Variants in A4GALT observed in about 807,000 individuals in gnomAD.
The protein encoded by A4GALT is alpha 1,4-galactosyltransferase (P1PK blood group).
For missense variants in A4GALT, 512 were observed against 486.0 expected, an observed-to-expected ratio of 1.05 and a Z score of -0.50; for synonymous variants, 257 against 220.7, an observed-to-expected ratio of 1.16 and a Z score of -1.46.
At chr22:42,694,982 G>A (rs1433317083) in intron 2 of A4GALT, 3 of 152,142 alleles carry the variant, frequency 2.0e-5, no homozygotes, top group Admixed American at 2.0e-4. Context: ...AGGCACAGAA[G>A]TGCAGTACCT....
intron 1 of A4GALT, among the ~76,000 whole-genome samples, chr22:42,701,571 G>A (rs564368623): frequency 6.6e-6 from 1 of 152,316 alleles, no homozygotes; most frequent in South Asian, 2.1e-4. Flanking sequence ...AGGCAGAGGG[G>A]TCATCTAGGT....
intron 1 of A4GALT, among the ~76,000 whole-genome samples, chr22:42,713,406 A>G (rs1470853005): frequency 6.6e-6 from 1 of 152,226 alleles, no homozygotes; most frequent in East Asian, 1.9e-4. Flanking sequence ...CTGGGCGCCA[A>G]TGTTGTGGCG....
At chr22:42,706,464 G>C (rs1372894997) in intron 1 of A4GALT, among the ~76,000 whole-genome samples, 1 of 150,306 alleles carries the variant, frequency 6.7e-6, no homozygotes, top group Non-Finnish European at 1.5e-5. Context: ...CTCTATTCAA[G>C]AGACATACCT....
chr22:42,716,856 C>T (rs1922227133), intron 1 of A4GALT, among the ~76,000 whole-genome samples: 1 of 152,182 alleles, frequency 6.6e-6, no homozygotes, highest in African/African-American at 2.4e-5. Flanking sequence ...GATCAGGGCT[C>T]TCTGGGTCCC....
chr22:42,711,390 T>A (rs1921680653), intron 1 of A4GALT, among the ~76,000 whole-genome samples: 1 of 152,206 alleles, frequency 6.6e-6, no homozygotes, highest in Non-Finnish European at 1.5e-5. Flanking sequence ...TTTAACAACA[T>A]CTATCTCACT....
chr22:42,706,354 CAAA>C (rs1164664187), intron 1 of A4GALT, among the ~76,000 whole-genome samples: 12 of 83,802 alleles, frequency 1.4e-4, no homozygotes, highest in Admixed American at 4.7e-4. Context: ...GACTCCATCC[CAAA>C]AAAAAAAAAA....
chr22:42,713,127 T>A (rs1244051878), intron 1 of A4GALT, among the ~76,000 whole-genome samples: 2 of 152,156 alleles, frequency 1.3e-5, no homozygotes, highest in Admixed American at 1.3e-4. Flanking sequence ...GACAATCTCT[T>A]AGGACCCTTC....
chr22:42,719,087 C>G lies in A4GALT; in HGVS notation c.-188+1710G>C, dbSNP rs28992171. Among the ~76,000 whole-genome samples the G allele has an allele frequency of 8.0e-3, 1,213 of 152,324 alleles. 17 individuals carry two copies. Among genetic ancestry groups the G allele is most frequent in the African/African-American group, 0.027 (1,135 of 41,566 alleles). ...CCACACAAACCACCTGGAGATTCTG[C>G]CAATCCTGCTCCACACTGGGGTCCC... On this transcript the variant is annotated intron_variant, in intron 1 of 2. Coordinates refer to ENST00000642412, the MANE Select transcript of A4GALT (RefSeq NM_017436.7).
At chr22:42,705,447 C>CA (rs1258494320) in intron 1 of A4GALT, among the ~76,000 whole-genome samples, 5 of 146,022 alleles carry the variant, frequency 3.4e-5, no homozygotes, top group African/African-American at 1.2e-4. Context: ...ACTGAAAATA[C>CA]AAAAAATTAG....
At chr22:42,715,331 A>T (rs574293879) in intron 1 of A4GALT, among the ~76,000 whole-genome samples, 4 of 152,178 alleles carry the variant, frequency 2.6e-5, no homozygotes, top group Admixed American at 2.6e-4. Context: ...TGGCTTTTAT[A>T]AACAACACCA....
intron 1 of A4GALT, among the ~76,000 whole-genome samples, chr22:42,701,965 C>T (rs1474211138): frequency 5.9e-5 from 9 of 152,306 alleles, no homozygotes; most frequent in African/African-American, 1.4e-4. Flanking sequence ...AAGTCAATGA[C>T]GGAACCTTCT....
chr22:42,703,601 C>G (rs1920944174), intron 1 of A4GALT, among the ~76,000 whole-genome samples: 2 of 152,138 alleles, frequency 1.3e-5, no homozygotes, highest in African/African-American at 4.8e-5. Flanking sequence ...AACTAGGAAG[C>G]TGTCCTTGGC....
In A4GALT at chr22:42,692,359, G is replaced by T; in HGVS notation, c.*531C>A. 3.5e-6 allele frequency: 1 copy of T among 285,132 alleles called. No homozygotes were observed. Among genetic ancestry groups the T allele is most frequent in the Non-Finnish European group, 6.9e-6 (1 of 145,628 alleles). The allele number at this position is 285,132 out of a possible 1,614,324, so 17.7% of individuals were successfully genotyped here. ...CCCAGGCTGGCACTTCTGGGCCTCT[G>T]CCCCACTCAGTCCCTGTTGACCTCC... On this transcript the variant is annotated 3_prime_UTR_variant, in exon 3 of 3. Transcript: ENST00000642412. The surrounding 1 kb of genome is among the most constrained non-coding windows in gnomAD (Gnocchi z 4.6).
rs1930548484 is a variant in A4GALT, at chr22:42,692,865, T to C, written c.*25A>G. 2.5e-6 allele frequency: 4 copies of C among 1,597,896 alleles called. No homozygotes were observed. Among genetic ancestry groups the C allele is most frequent in the Non-Finnish European group, 3.4e-6 (4 of 1,178,924 alleles). On this transcript the variant is annotated 3_prime_UTR_variant, in exon 3 of 3. Transcript: ENST00000642412. The surrounding 1 kb of genome is among the most constrained non-coding windows in gnomAD (Gnocchi z 4.6). The stretch of plus-strand genomic sequence containing the variant: ...GGCCCAGTGCCCCATCAGGAGCAGG[T>C]TGGGGAGGTGACCTGGCGGGCCCCT...
At chr22:42,699,495 A>G (rs954152597) in intron 1 of A4GALT, among the ~76,000 whole-genome samples, 1 of 152,034 alleles carries the variant, frequency 6.6e-6, no homozygotes, top group Non-Finnish European at 1.5e-5. Flanking sequence ...CGGTCACATC[A>G]CTCGACATTT....
intron 1 of A4GALT, among the ~76,000 whole-genome samples, chr22:42,706,258 G>A (rs918184980): frequency 3.4e-5 from 5 of 148,384 alleles, no homozygotes; most frequent in African/African-American, 1.3e-4. Flanking sequence ...GGGAGGCTGA[G>A]GCAGGAGAAT....
intron 1 of A4GALT, among the ~76,000 whole-genome samples, chr22:42,698,075 C>A (rs965812024): frequency 6.6e-6 from 1 of 152,098 alleles, no homozygotes; most frequent in Non-Finnish European, 1.5e-5. Flanking sequence ...ACGGTGAAAC[C>A]CCATCTCTAC....
In A4GALT at chr22:42,714,386, G is replaced by A. The variant is rs980305083; in HGVS notation, c.-188+6411C>T. Among the ~76,000 whole-genome samples the A allele has an allele frequency of 1.3e-4, 20 of 149,392 alleles. 3 individuals carry two copies. The highest frequency in any genetic ancestry group is 6.7e-4 in the Admixed American group (10 of 14,964). On this transcript the variant is annotated intron_variant, in intron 1 of 2. Transcript: ENST00000642412. ...GAGCATCACTTGAGCCCAGGAGTCC[G>A]GGACCAGCCTGGGCAACATAGTGAA...
At position 42,692,500 on chromosome 22, in the gene A4GALT, C is replaced by G. The variant is rs28915386; in HGVS notation, c.*390G>C. 1,464 of 374,060 alleles carry G rather than the reference C, an allele frequency of 3.9e-3. 6 individuals carry two copies. The highest frequency in any genetic ancestry group is 5.8e-3 in the Non-Finnish European group (1,084 of 188,330). 23.2% of individuals were successfully genotyped at this position (374,060 alleles called of 1,614,324 possible). A position where few individuals can be genotyped will look rare whatever the true frequency, so the allele number is the denominator to read the frequency against. On this transcript the variant is annotated 3_prime_UTR_variant, in exon 3 of 3. Coordinates refer to ENST00000642412, the MANE Select transcript of A4GALT (RefSeq NM_017436.7). This position sits in a 1 kb window ranked among gnomAD's most constrained non-coding sequence, Gnocchi z 4.6. ...CACTTTCCTACCAACAGCCTCCTCT[C>G]CTCTCTGGGAATCTTGTCCCTTCTT...
Sources: allele counts gnomAD v4.1 joint callset (sites outside exome capture counted in the v4.1 genomes callset), GRCh38; gene constraint gnomAD v4.1.1; non-coding constraint Gnocchi (gnomAD v3.1); transcripts MANE v1.5; gene names NCBI Gene and HGNC (gene_info 2026-07-23, HGNC 2026-07-21).